Variants in DDB1 observed in about 807,000 individuals in gnomAD.
DDB1 encodes DNA damage-binding protein 1.
Under a neutral mutation model 133.1 loss-of-function variants are expected in DDB1, and 18 were observed. The ratio of observed to expected loss-of-function variants is 0.14; its 90% confidence interval spans 0.09 to 0.20. The LOEUF (loss-of-function observed/expected upper bound fraction) is 0.20, where lower values mean the gene tolerates loss of function less well. DDB1 is among the 10% of genes least tolerant of loss of function. The pLI is 1.00. For missense variants in DDB1, 828 were observed against 1,459.2 expected (o/e 0.57, Z 7.05); for synonymous variants, 580 against 550.5 (o/e 1.05, Z -0.75).
At position 61,316,962 on chromosome 11, in the gene DDB1, T is replaced by C. The variant is rs369608812; in HGVS notation, c.1226-395A>G. 6.1e-3 allele frequency among the ~76,000 whole-genome samples: 146 copies of C among 24,086 alleles called. 13 individuals are homozygous for C. Among genetic ancestry groups the C allele is most frequent in the African/African-American group, 0.014 (133 of 9,304 alleles). 15.8% of individuals were successfully genotyped at this position (24,086 alleles called of 152,430 possible). On this transcript the variant is annotated intron_variant, in intron 10 of 26. Transcript: ENST00000301764. The stretch of plus-strand genomic sequence containing the variant: ...AAAAGGATAGATATATATATATATA[T>C]ATATATATATATATATATATATATA...
At chr11:61,302,779 T>TGA (rs1429013807) in intron 23 of DDB1, 28 bp from the exon 24 acceptor site, 1 of 1,613,478 alleles carries the variant, frequency 6.2e-7, no homozygotes, top group Non-Finnish European at 8.5e-7. Flanking sequence ...AGTCACTTTC[T>TGA]GAACCTCCTG....
intron 4 of DDB1, among the ~76,000 whole-genome samples, chr11:61,327,282 C>A (rs2134935764): frequency 6.6e-6 from 1 of 152,236 alleles, no homozygotes. Context: ...CCAGCCTAGC[C>A]AACACGGCAA....
chr11:61,326,048 T>C (rs1461875561), intron 5 of DDB1: 1 of 353,878 alleles, frequency 2.8e-6, no homozygotes, highest in African/African-American at 2.1e-5. Flanking sequence ...TTTTTTTTCC[T>C]GGTTTCCACT....
At chr11:61,325,920 C>A in intron 5 of DDB1, 1 of 630,986 alleles carries the variant, frequency 1.6e-6, no homozygotes, top group Non-Finnish European at 2.9e-6. Context: ...ATTTTTACTG[C>A]CACTCTTCTG....
intron 21 of DDB1, among the ~76,000 whole-genome samples, chr11:61,306,562 C>A (rs1353041755): frequency 6.6e-6 from 1 of 152,198 alleles, no homozygotes; most frequent in Admixed American, 6.5e-5. Context: ...CACCTCTTAG[C>A]TTTTCTGACC....
rs2134904542 is a variant in DDB1 at position 61,310,107 on chromosome 11, C to T, written c.2402-147G>A. ...GTCTCATCAGATTATCCATCCCCCA[C>T]CAGCCTAAGCTAAGGAGAGGATGCC... On this transcript the variant is annotated intron_variant, in intron 19 of 26. Transcript: ENST00000301764. 9 of 1,380,378 alleles carry T rather than the reference C, an allele frequency of 6.5e-6. No individual in the cohort carries two copies. In the South Asian group the frequency reaches 1.1e-4, roughly 17 times the overall value. The allele number at this position is 1,380,378 out of a possible 1,614,324, so 85.5% of individuals were successfully genotyped here. A position where few individuals can be genotyped will look rare whatever the true frequency, so the allele number is the denominator to read the frequency against.
At chr11:61,312,506 C>G (rs867451138) in intron 16 of DDB1, among the ~76,000 whole-genome samples, 13 of 120,078 alleles carry the variant, frequency 1.1e-4, no homozygotes, top group Non-Finnish European at 6.7e-5. Context: ...CTCTCTCTCT[C>G]TTTTTTTTTT....
chr11:61,314,176 C>T lies in DDB1; in HGVS notation c.1624G>A (p.Asp542Asn), dbSNP rs1012413122. The change falls in exon 14 of 27, where the codon GAC becomes AAC. Residue 542 changes from aspartate (D) to asparagine (N), a missense_variant. Coordinates refer to ENST00000301764, the MANE Select transcript of DDB1 (RefSeq NM_001923.5). ...TTGCTGTCTCCTAATGGGGTGATGT[C>T]CAAGCAAGCCACTTCATGTTCCATC... ...TEMEHEVACL[D>N]ITPLGDSNGL... 1.9e-6 allele frequency: 3 copies of T among 1,609,708 alleles called. 1 individual carries two copies. Among genetic ancestry groups the T allele is most frequent in the Non-Finnish European group, 2.5e-6 (3 of 1,177,956 alleles).
At position 61,316,372 on chromosome 11, in the gene DDB1, C is replaced by T; in HGVS notation, c.1323G>A (p.Glu441=). The T allele has an allele frequency of 1.2e-6, 2 of 1,614,140 alleles. No individual in the cohort carries two copies. Among genetic ancestry groups the T allele is most frequent in the Non-Finnish European group, 1.7e-6 (2 of 1,180,016 alleles). The part of the protein sequence containing the change: ...GQTRVLMLNG[E]EVEETELMGF... ...CCATCAGTTCGGTTTCTTCTACCTC[C>T]TCTCCATTTAACATGAGAACTCTGC... Residue 441 remains glutamate (E), a synonymous_variant, in exon 12 of 27, where the codon GAG becomes GAA. Coordinates refer to ENST00000301764, the MANE Select transcript of DDB1 (RefSeq NM_001923.5).
At chr11:61,311,297 A>G (rs1386314559) in intron 18 of DDB1, 1 of 151,206 alleles carries the variant, frequency 6.6e-6, no homozygotes, top group South Asian at 2.1e-4. Flanking sequence ...ATAACATAAC[A>G]TAACATAACA....
At chr11:61,308,924 C>T in intron 21 of DDB1, 59 bp downstream of exon 21, 1 of 1,539,582 alleles carries the variant, frequency 6.5e-7, no homozygotes, top group Admixed American at 1.7e-5. Flanking sequence ...CTAAGAGAGA[C>T]ACATTCTGCA....
At chr11:61,321,983 C>T (rs1856187573) in intron 9 of DDB1, 1 of 538,904 alleles carries the variant, frequency 1.9e-6, no homozygotes, top group Non-Finnish European at 3.3e-6. Flanking sequence ...CTGTTAGATA[C>T]ACCTGCCACT....
At chr11:61,311,298 T>C (rs1460602387) in intron 18 of DDB1, 2 of 149,086 alleles carry the variant, frequency 1.3e-5, no homozygotes, top group African/African-American at 5.2e-5. Flanking sequence ...TAACATAACA[T>C]AACATAACAT....
chr11:61,320,157 T>C lies in DDB1; in HGVS notation c.1225+1438A>G, dbSNP rs530190171. On this transcript the variant is annotated intron_variant, in intron 10 of 26. Coordinates refer to ENST00000301764, the MANE Select transcript of DDB1 (RefSeq NM_001923.5). The stretch of plus-strand genomic sequence containing the variant: ...TTAGTTGATTATCTTGGGTTTGTAG[T>C]TATATGATCTCTTCCTTTGCAATTT... 8.5e-5 allele frequency among the ~76,000 whole-genome samples: 13 copies of C among 152,270 alleles called. No homozygotes were observed. In the East Asian group the frequency reaches 2.3e-3, roughly 27 times the overall value.
chr11:61,301,115 C>A, intron 25 of DDB1, 183 bp from the exon 26 acceptor site: 2 of 803,348 alleles, frequency 2.5e-6, no homozygotes, highest in Non-Finnish European at 3.8e-6. Context: ...ATGACCTAAT[C>A]TAATTGGTTC....
chr11:61,307,972 C>A (rs1385835186), intron 21 of DDB1, among the ~76,000 whole-genome samples: 1 of 152,192 alleles, frequency 6.6e-6, no homozygotes, highest in Non-Finnish European at 1.5e-5. Flanking sequence ...CAGATTACTA[C>A]AAGAGCCTCC....
In DDB1 at chr11:61,300,355, C is replaced by T. The variant is rs976587043; in HGVS notation, c.3340-136G>A. On this transcript the variant is annotated intron_variant, in intron 26 of 26. Transcript: ENST00000301764. ...AGAGGAAGGACTCACCAGAAACCCACGCCTCCCCCTGGGTGGCACAGGTCA... is the reference window on the plus strand; with the variant it reads ...AGAGGAAGGACTCACCAGAAACCCATGCCTCCCCCTGGGTGGCACAGGTCA... 46 of 868,146 alleles carry T rather than the reference C, an allele frequency of 5.3e-5. No individual in the cohort carries two copies. The African/African-American group carries it at 6.5e-4, about 12-fold the overall frequency. The allele number at this position is 868,146 out of a possible 1,614,324, so 53.8% of individuals were successfully genotyped here.
At chr11:61,304,117 T>C in intron 21 of DDB1, 82 bp from the exon 22 acceptor site, 1 of 1,503,430 alleles carries the variant, frequency 6.7e-7, no homozygotes, top group South Asian at 1.2e-5. Flanking sequence ...ACCCTTCATC[T>C]GCAGCACTAC....
chr11:61,328,295 A>G (rs1238691917), intron 4 of DDB1, among the ~76,000 whole-genome samples: 2 of 152,256 alleles, frequency 1.3e-5, no homozygotes, highest in Non-Finnish European at 2.9e-5. Context: ...ATACAAAAAT[A>G]TATCAGCACC....
Sources: gnomAD v4.1 joint callset for allele counts (sites outside exome capture counted in the v4.1 genomes callset) on GRCh38, gnomAD v4.1.1 for gene constraint, MANE v1.5 for transcripts, NCBI Gene and HGNC (gene_info 2026-07-23, HGNC 2026-07-21) for gene names.